DNAI1: variants seen among roughly 807,000 people sequenced by gnomAD.
DNAI1 encodes dynein, axonemal, intermediate polypeptide 1.
Under a neutral mutation model 92.0 loss-of-function variants are expected in DNAI1, and 67 were observed. The ratio of observed to expected loss-of-function variants is 0.73; its 90% CI spans 0.60 to 0.89. DNAI1 has a LOEUF of 0.89. Ranked by LOEUF, DNAI1 falls within the 40% of genes least tolerant of loss-of-function variation. The pLI, the probability that DNAI1 is intolerant of heterozygous loss-of-function variation, is 0.00. For synonymous variants in DNAI1, 323 were observed against 319.6 expected, an observed-to-expected ratio of 1.01 and a Z score of -0.11; for missense variants, 839 against 866.6, an observed-to-expected ratio of 0.97 and a Z score of 0.40.
intron 12 of DNAI1, among the ~76,000 whole-genome samples, chr9:34,503,719 A>G (rs1824874708): frequency 6.6e-6 from 1 of 152,216 alleles, no homozygotes. Context: ...GCAACAGCAC[A>G]GAAACATCCC....
chr9:34,518,126 CT>C (rs559901686), intron 19 of DNAI1, among the ~76,000 whole-genome samples: 64 of 152,348 alleles, frequency 4.2e-4, no homozygotes, highest in African/African-American at 1.5e-3. Context: ...CCTTGGAATC[CT>C]GAGCCCAAGA....
chr9:34,515,340 G>A (rs577986352), intron 18 of DNAI1, among the ~76,000 whole-genome samples: 20 of 152,230 alleles, frequency 1.3e-4, no homozygotes, highest in Non-Finnish European at 1.8e-4. Flanking sequence ...TCTAAAGTCC[G>A]TCAGTCATCT....
intron 10 of DNAI1, among the ~76,000 whole-genome samples, chr9:34,498,405 G>A (rs977548847): frequency 1.3e-5 from 2 of 152,200 alleles, no homozygotes; most frequent in South Asian, 2.1e-4. Flanking sequence ...ATCAGAACTC[G>A]AACACAGGCC....
At chr9:34,520,518 A>T (rs562817399) in intron 19 of DNAI1, 140 bp from the exon 20 acceptor site, 1 of 767,828 alleles carries the variant, frequency 1.3e-6, no homozygotes, top group East Asian at 2.7e-5. Context: ...TGTCAGGGAG[A>T]GGGGAGGCAG....
intron 1 of DNAI1, among the ~76,000 whole-genome samples, chr9:34,469,815 A>G (rs904658028): frequency 1.1e-4 from 16 of 152,150 alleles, no homozygotes; most frequent in African/African-American, 3.9e-4. Context: ...CCAGGCCTCA[A>G]GTGATCCTAC....
At chr9:34,471,427 C>A (rs1824130871) in intron 1 of DNAI1, among the ~76,000 whole-genome samples, 1 of 147,182 alleles carries the variant, frequency 6.8e-6, no homozygotes, top group South Asian at 2.1e-4. Context: ...CCTGTCTCTC[C>A]TGGTCCCCAA....
chr9:34,498,613 A>G (rs1402316163), intron 10 of DNAI1, among the ~76,000 whole-genome samples: 1 of 152,252 alleles, frequency 6.6e-6, no homozygotes, highest in Non-Finnish European at 1.5e-5. Flanking sequence ...GGGAAACAGA[A>G]TCCTTCCCAT....
At chr9:34,461,754 A>G (rs1823955521) in intron 1 of DNAI1, among the ~76,000 whole-genome samples, 1 of 152,160 alleles carries the variant, frequency 6.6e-6, no homozygotes, top group African/African-American at 2.4e-5. Context: ...AGGTTGTGCT[A>G]GGTTGTATTT....
chr9:34,470,889 A>G (rs1029315676), intron 1 of DNAI1, among the ~76,000 whole-genome samples: 3 of 152,232 alleles, frequency 2.0e-5, no homozygotes, highest in Non-Finnish European at 2.9e-5. Context: ...TTCAAATTCA[A>G]CATCCATCCT....
intron 10 of DNAI1, among the ~76,000 whole-genome samples, chr9:34,497,783 G>A (rs1824755220): frequency 6.6e-6 from 1 of 152,184 alleles, no homozygotes; most frequent in Admixed American, 6.5e-5. Context: ...TGTGAGAGAA[G>A]ATAGCTACAG....
chr9:34,519,844 C>T (rs1425362150), intron 19 of DNAI1, among the ~76,000 whole-genome samples: 1 of 152,204 alleles, frequency 6.6e-6, no homozygotes, highest in Non-Finnish European at 1.5e-5. Flanking sequence ...ACTGCCCAGC[C>T]TGCCCCAGCA....
chr9:34,503,774 C>T (rs188528103), intron 12 of DNAI1, among the ~76,000 whole-genome samples: 10 of 152,310 alleles, frequency 6.6e-5, no homozygotes. Context: ...CTAGTGAGCA[C>T]AATAGGCTGC....
At chr9:34,483,035 G>T (rs998956984) in intron 1 of DNAI1, among the ~76,000 whole-genome samples, 2 of 152,236 alleles carry the variant, frequency 1.3e-5, no homozygotes, top group African/African-American at 4.8e-5. Flanking sequence ...CCCGGGGCCA[G>T]CAGGGCTGGC....
chr9:34,506,566 G>A (rs1418769282), intron 12 of DNAI1, 61 bp from the exon 13 acceptor site: 3 of 1,610,782 alleles, frequency 1.9e-6, no homozygotes, highest in South Asian at 1.1e-5. Context: ...AGGGGTGAGG[G>A]GGCTTCTCCA....
At position 34,520,705 on chromosome 9, in the gene DNAI1, G is replaced by A. The variant is rs555612830; in HGVS notation, c.2049G>A (p.Ala683=). ...EVQKGPAVEI[A]KLDKLLNLVR... ...AGAAGGGTCCAGCTGTGGAGATTGC[G>A]AAACTGGACAAACTGCTGAACCTGG... Residue 683 remains alanine (A), a synonymous_variant, in exon 20 of 20, where the codon GCG becomes GCA. Coordinates refer to ENST00000242317, the MANE Select transcript of DNAI1 (RefSeq NM_012144.4). The A allele has an allele frequency of 2.0e-5, 31 of 1,551,712 alleles. No homozygotes were observed. The highest frequency in any genetic ancestry group is 9.8e-5 in the East Asian group (4 of 40,928).
intron 1 of DNAI1, among the ~76,000 whole-genome samples, chr9:34,477,167 C>CA (rs1824253795): frequency 6.6e-6 from 1 of 151,952 alleles, no homozygotes; most frequent in South Asian, 2.1e-4. Flanking sequence ...AGGCACACAC[C>CA]ACCACACCCA....
intron 16 of DNAI1, 135 bp downstream of exon 16, chr9:34,513,326 A>T (rs1825110670): frequency 4.0e-6 from 3 of 746,110 alleles, no homozygotes; most frequent in Non-Finnish European, 7.3e-6. Context: ...AGGGAAGAGA[A>T]TGTATTTCTT....
intron 1 of DNAI1, among the ~76,000 whole-genome samples, chr9:34,463,779 G>A (rs1292217461): frequency 6.6e-6 from 1 of 152,168 alleles, no homozygotes; most frequent in Admixed American, 6.5e-5. Context: ...CTCCTATGGT[G>A]CAATACTTTT....
At chr9:34,460,386 G>A (rs191777007) in intron 1 of DNAI1, among the ~76,000 whole-genome samples, 10 of 152,304 alleles carry the variant, frequency 6.6e-5, no homozygotes, top group African/African-American at 2.2e-4. Context: ...GGTACATTGA[G>A]GTTTAGAGAG....
Sources: allele counts gnomAD v4.1 joint callset (sites outside exome capture counted in the v4.1 genomes callset), GRCh38; gene constraint gnomAD v4.1.1; transcripts MANE v1.5; gene names NCBI Gene and HGNC (gene_info 2026-07-23, HGNC 2026-07-21).